GORASP2: variants seen among roughly 807,000 people sequenced by gnomAD.
The protein encoded by GORASP2 is Golgi reassembly-stacking protein 2.
In GORASP2, 22 loss-of-function variants were observed where a neutral mutation model predicts 45.7. That is an observed-to-expected ratio of 0.48 (90% CI 0.34 to 0.69). The LOEUF is 0.69. Among genes scored for constraint, GORASP2 ranks in the 30% least tolerant of loss-of-function variants. GORASP2 has a pLI of 0.01. For synonymous variants in GORASP2, 221 were observed against 215.6 expected (o/e 1.02, Z -0.22); for missense variants, 491 against 562.7 (o/e 0.87, Z 1.29).
chr2:170,936,047 TTAA>T (rs1417233971), intron 1 of GORASP2, among the ~76,000 whole-genome samples: 3 of 152,174 alleles, frequency 2.0e-5, no homozygotes, highest in Non-Finnish European at 4.4e-5. Context: ...ACAGGGCTTT[TTAA>T]TAATTCCTCT....
intron 6 of GORASP2, 66 bp downstream of exon 6, chr2:170,954,848 G>GCT: frequency 8.0e-7 from 1 of 1,249,546 alleles, no homozygotes; most frequent in Non-Finnish European, 1.2e-6. Context: ...GTGTTTCAGT[G>GCT]CTACTATATG....
At chr2:170,949,820 C>T in intron 3 of GORASP2, 78 bp downstream of exon 3, 2 of 1,231,368 alleles carry the variant, frequency 1.6e-6, no homozygotes, top group South Asian at 1.2e-5. Flanking sequence ...TTGTTTCTGG[C>T]TTAATAAGAT....
At chr2:170,952,852 CTT>C (rs1012446011) in intron 5 of GORASP2, among the ~76,000 whole-genome samples, 1 of 152,084 alleles carries the variant, frequency 6.6e-6, no homozygotes, top group Non-Finnish European at 1.5e-5. Flanking sequence ...TTTAGAAACT[CTT>C]TTTTAGAGAT....
At chr2:170,945,111 A>G (rs1031473582) in intron 1 of GORASP2, among the ~76,000 whole-genome samples, 7 of 152,180 alleles carry the variant, frequency 4.6e-5, no homozygotes, top group African/African-American at 1.7e-4. Flanking sequence ...TGAGTCCTAG[A>G]CATTTTATTT....
At chr2:170,957,256 G>A (rs1704447388) in intron 7 of GORASP2, among the ~76,000 whole-genome samples, 1 of 152,084 alleles carries the variant, frequency 6.6e-6, no homozygotes, top group African/African-American at 2.4e-5. Context: ...CTTGCTTAGG[G>A]GACATGTGCC....
At chr2:170,929,777 C>T (rs748476341) in intron 1 of GORASP2, 2 of 490,186 alleles carry the variant, frequency 4.1e-6, no homozygotes, top group South Asian at 3.1e-5. Flanking sequence ...GCAACGTCTC[C>T]AAAGTGGTGA....
At chr2:170,942,737 T>C (rs570730495) in intron 1 of GORASP2, among the ~76,000 whole-genome samples, 1 of 152,342 alleles carries the variant, frequency 6.6e-6, no homozygotes, top group South Asian at 2.1e-4. Flanking sequence ...GTGGAATTGC[T>C]GGATCATGTG....
intron 1 of GORASP2, among the ~76,000 whole-genome samples, chr2:170,936,436 T>G (rs1187495549): frequency 6.6e-6 from 1 of 151,834 alleles, no homozygotes; most frequent in East Asian, 1.9e-4. Context: ...CCCAGGCTGG[T>G]CTTGAACTCC....
rs1180690356 is a variant in GORASP2 at position 170,948,530 on chromosome 2, T to C, written c.144+100T>C. 3 of 655,200 alleles carry C rather than the reference T, an allele frequency of 4.6e-6. No individual in the cohort carries two copies. In the East Asian group the frequency reaches 8.1e-5, roughly 18 times the overall value. The allele number at this position is 655,200 out of a possible 1,614,324, so 40.6% of individuals were successfully genotyped here. A position where few individuals can be genotyped will look rare whatever the true frequency, so the allele number is the denominator to read the frequency against. On this transcript the variant is annotated intron_variant, in intron 2 of 9. Transcript: ENST00000234160. ...GATGGGTATTTATTAGTTACAATCA[T>C]TATGTGTAGTATGCCAATTTATAGA... is the stretch of plus-strand genomic sequence containing the variant.
chr2:170,962,682 T>C (rs1321622376), intron 8 of GORASP2, among the ~76,000 whole-genome samples, 157 bp from the exon 9 acceptor site: 1 of 152,220 alleles, frequency 6.6e-6, no homozygotes, highest in African/African-American at 2.4e-5. Flanking sequence ...AAGTGAAATT[T>C]TGTTATTTAT....
chr2:170,961,802 TTGC>T, intron 8 of GORASP2, 53 bp downstream of exon 8: 2 of 900,392 alleles, frequency 2.2e-6, no homozygotes, highest in Non-Finnish European at 3.8e-6. Flanking sequence ...TTACTGATAT[TTGC>T]ATCTTAAAAA....
chr2:170,947,600 T>G (rs1484721198), intron 1 of GORASP2, among the ~76,000 whole-genome samples: 1 of 152,216 alleles, frequency 6.6e-6, no homozygotes, highest in Non-Finnish European at 1.5e-5. Context: ...CACCTATTCC[T>G]CAACAGATTA....
chr2:170,930,755 A>G (rs1703803800), intron 1 of GORASP2, among the ~76,000 whole-genome samples: 1 of 152,140 alleles, frequency 6.6e-6, no homozygotes, highest in South Asian at 2.1e-4. Context: ...GAGAGAGGAA[A>G]TGGAAGGAGA....
Position 170,956,496 on chromosome 2 carries a change from CAG to C in GORASP2, c.763_764del (p.Leu256AspfsTer6). 3.1e-6 allele frequency: 5 copies of C among 1,612,980 alleles called. No homozygotes were observed. Among genetic ancestry groups the C allele is most frequent in the Non-Finnish European group, 4.2e-6 (5 of 1,179,104 alleles). On this transcript the variant is annotated frameshift_variant, in exon 7 of 10. Transcript: ENST00000234160. LOFTEE classifies it high-confidence loss of function. ...ACCACCAGGAACTACAGGAATTGAA[CAG>C]AGTCTGACTGGACTTTCTATTAGCT... ...LSPPGTTGIE[Q>X]SLTGLSISST... is the part of the protein sequence containing the mutation.
At chr2:170,956,753 A>C (rs996410278) in intron 7 of GORASP2, among the ~76,000 whole-genome samples, 194 bp downstream of exon 7, 5 of 129,740 alleles carry the variant, frequency 3.9e-5, no homozygotes. Flanking sequence ...AAAAAAAAAA[A>C]ACTTTTTTTA....
chr2:170,961,284 C>T (rs182866147), intron 7 of GORASP2, among the ~76,000 whole-genome samples: 55 of 152,350 alleles, frequency 3.6e-4, no homozygotes, highest in African/African-American at 6.0e-4. Flanking sequence ...CCCTGGCTTA[C>T]GTGGCATCTT....
intron 4 of GORASP2, among the ~76,000 whole-genome samples, 162 bp downstream of exon 4, chr2:170,950,452 G>C (rs562618797): frequency 6.6e-6 from 1 of 152,322 alleles, no homozygotes; most frequent in South Asian, 2.1e-4. Context: ...CATCTGGTAG[G>C]TGTCTTATTA....
At chr2:170,936,900 T>C (rs1703971538) in intron 1 of GORASP2, among the ~76,000 whole-genome samples, 1 of 151,942 alleles carries the variant, frequency 6.6e-6, no homozygotes, top group African/African-American at 2.4e-5. Flanking sequence ...ATTAATTAAT[T>C]CGTTAATTTT....
At chr2:170,951,496 AC>A in intron 5 of GORASP2, 38 bp downstream of exon 5, 1 of 1,485,320 alleles carries the variant, frequency 6.7e-7, no homozygotes, top group Non-Finnish European at 9.2e-7. Context: ...GACTGCTTAA[AC>A]ATACCAGTCA....
Sources: gnomAD v4.1 joint callset for allele counts (sites outside exome capture counted in the v4.1 genomes callset) on GRCh38, gnomAD v4.1.1 for gene constraint, MANE v1.5 for transcripts, NCBI Gene and HGNC (gene_info 2026-07-23, HGNC 2026-07-21) for gene names.